VTI1A: variants seen among roughly 807,000 people sequenced by gnomAD.
VTI1A encodes vesicle transport through interaction with t-SNAREs homolog 1A.
Under a neutral mutation model 34.9 loss-of-function variants are expected in VTI1A, and 22 were observed. That is an observed-to-expected ratio of 0.63 (90% CI 0.45 to 0.90). The LOEUF (loss-of-function observed/expected upper bound fraction) is 0.90. Among genes scored for constraint, VTI1A ranks in the 40% least tolerant of loss-of-function variants. VTI1A has a pLI of 0.00. For synonymous variants in VTI1A, 87 were observed against 97.3 expected (o/e 0.89, Z 0.62); for missense variants, 268 against 275.6 (o/e 0.97, Z 0.20).
chr10:112,694,101 G>A (rs1848700662), intron 7 of VTI1A, among the ~76,000 whole-genome samples: 1 of 152,126 alleles, frequency 6.6e-6, no homozygotes, highest in South Asian at 2.1e-4. Context: ...AGCTACTCGG[G>A]AGGCTGAGGC....
chr10:112,496,822 A>G (rs1849042167), intron 3 of VTI1A, among the ~76,000 whole-genome samples: 2 of 152,178 alleles, frequency 1.3e-5, no homozygotes, highest in South Asian at 4.1e-4. Flanking sequence ...CAACCACTTA[A>G]AAGTATTTTT....
intron 1 of VTI1A, chr10:112,449,270 G>A (rs1327752542): frequency 6.6e-6 from 1 of 152,206 alleles, no homozygotes; most frequent in Non-Finnish European, 1.5e-5. Context: ...TGTTTTAGCA[G>A]TAGAAACATT....
At chr10:112,508,081 A>G (rs1017774823) in intron 3 of VTI1A, among the ~76,000 whole-genome samples, 1 of 152,096 alleles carries the variant, frequency 6.6e-6, no homozygotes, top group Non-Finnish European at 1.5e-5. Context: ...GTGATTTTCT[A>G]TATCCTTTGG....
intron 3 of VTI1A, among the ~76,000 whole-genome samples, chr10:112,499,986 A>G (rs929185267): frequency 1.3e-5 from 2 of 152,208 alleles, no homozygotes; most frequent in African/African-American, 4.8e-5. Context: ...CTTTGAGTTG[A>G]GAGGAAACTC....
intron 3 of VTI1A, among the ~76,000 whole-genome samples, chr10:112,466,690 A>T (rs1847906422): frequency 6.6e-6 from 1 of 152,222 alleles, no homozygotes; most frequent in Non-Finnish European, 1.5e-5. Flanking sequence ...TGCTTACCTC[A>T]TTTTTAATGG....
chr10:112,737,880 C>CGAT (rs1304680828), intron 7 of VTI1A: 3 of 1,061,992 alleles, frequency 2.8e-6, no homozygotes, highest in Non-Finnish European at 3.4e-6. Flanking sequence ...GCCGTAGGAT[C>CGAT]GATGCCTTTC....
chr10:112,742,249 T>C (rs1364850425), intron 7 of VTI1A, among the ~76,000 whole-genome samples: 1 of 146,520 alleles, frequency 6.8e-6, no homozygotes, highest in African/African-American at 2.7e-5. Flanking sequence ...GACAAGTGGT[T>C]TGCACAGTTG....
At chr10:112,601,264 C>G (rs1844866273) in intron 5 of VTI1A, among the ~76,000 whole-genome samples, 1 of 151,882 alleles carries the variant, frequency 6.6e-6, no homozygotes, top group South Asian at 2.1e-4. Context: ...AGATGCTTTT[C>G]TAAAGAAAGA....
At chr10:112,452,903 C>T (rs1847293854) in intron 1 of VTI1A, among the ~76,000 whole-genome samples, 1 of 152,028 alleles carries the variant, frequency 6.6e-6, no homozygotes, top group South Asian at 2.1e-4. Flanking sequence ...CATATTGATA[C>T]ATTATTATTA....
rs200608224 is a variant in VTI1A at position 112,447,430 on chromosome 10, C to T, written c.57C>T (p.Ile19=). ...ACTTCGCGGTGCTCACTGCAGAGAT[C>T]ACCAGCAAGATTGCGAGGGTCCCAC... ...EQDFAVLTAE[I]TSKIARVPRL... The change falls in exon 1 of 8, where the codon ATC becomes ATT. Residue 19 remains isoleucine (I), a synonymous_variant. Transcript: ENST00000393077. 1.6e-4 allele frequency: 252 copies of T among 1,613,688 alleles called. 2 individuals carry two copies. In the East Asian group the frequency reaches 5.5e-3, roughly 35 times the overall value.
chr10:112,515,555 T>C (rs1488513765), intron 3 of VTI1A, among the ~76,000 whole-genome samples: 1 of 151,968 alleles, frequency 6.6e-6, no homozygotes, highest in Non-Finnish European at 1.5e-5. Context: ...CCAGAATCAA[T>C]TTAGGCCTAA....
intron 5 of VTI1A, among the ~76,000 whole-genome samples, chr10:112,656,521 A>ATTTTTTTTTTT (rs768159688): frequency 9.7e-6 from 1 of 103,184 alleles, no homozygotes; most frequent in Non-Finnish European, 1.9e-5. Context: ...CACCCAGATA[A>ATTTTTTTTTTT]TTTTTTTTTT....
rs78801304 is a variant in VTI1A, at chr10:112,704,017, A to G, written c.560+35019A>G. 9.2e-5 allele frequency among the ~76,000 whole-genome samples: 14 copies of G among 152,282 alleles called. No homozygotes were observed. The East Asian group carries it at 2.5e-3, about 27-fold the overall frequency. On this transcript the variant is annotated intron_variant, in intron 7 of 7. Transcript: ENST00000393077. The stretch of plus-strand genomic sequence containing the variant: ...GTGTGACTGTCTAATACATCTCATG[A>G]TATTGCATAATTATGGTACTTTTAA...
chr10:112,704,135 T>C (rs1026184258), intron 7 of VTI1A, among the ~76,000 whole-genome samples: 1 of 152,230 alleles, frequency 6.6e-6, no homozygotes, highest in East Asian at 1.9e-4. Flanking sequence ...AGCTGTGCCA[T>C]GTACTTGAGG....
At chr10:112,500,912 A>G (rs1286300373) in intron 3 of VTI1A, among the ~76,000 whole-genome samples, 1 of 152,114 alleles carries the variant, frequency 6.6e-6, no homozygotes, top group Admixed American at 6.5e-5. Context: ...TGCTTGACAA[A>G]CTACTTAGCA....
chr10:112,589,016 G>GACT (rs1564838936), intron 5 of VTI1A, among the ~76,000 whole-genome samples: 1 of 85,270 alleles, frequency 1.2e-5, no homozygotes, highest in African/African-American at 5.2e-5. Flanking sequence ...TTGACTCCTT[G>GACT]TCTTTTTTTT....
chr10:112,693,656 G>A (rs74360277), intron 7 of VTI1A, among the ~76,000 whole-genome samples: 33 of 152,324 alleles, frequency 2.2e-4, no homozygotes, highest in African/African-American at 7.9e-4. Flanking sequence ...TAACTTCCGA[G>A]TTGAAAATGG....
chr10:112,719,812 C>T (rs1228808643), intron 7 of VTI1A, among the ~76,000 whole-genome samples: 13 of 152,172 alleles, frequency 8.5e-5, no homozygotes, highest in Admixed American at 7.2e-4. Flanking sequence ...TCCCAAAGTG[C>T]TGCGATTACA....
At chr10:112,755,146 C>A (rs1482592480) in intron 7 of VTI1A, among the ~76,000 whole-genome samples, 1 of 152,024 alleles carries the variant, frequency 6.6e-6, no homozygotes, top group African/African-American at 2.4e-5. Context: ...TCCCAGCTAC[C>A]TCAGGAGGCT....
Sources: allele counts gnomAD v4.1 joint callset (sites outside exome capture counted in the v4.1 genomes callset), GRCh38; gene constraint gnomAD v4.1.1; transcripts MANE v1.5; gene names NCBI Gene and HGNC (gene_info 2026-07-23, HGNC 2026-07-21).